The following CCDC12 variants were observed in gnomAD, a reference collection of about 807,000 sequenced individuals.
The protein encoded by CCDC12 is coiled-coil domain-containing protein 12.
In CCDC12, 28 loss-of-function variants were observed where a neutral mutation model predicts 25.7. That is an observed-to-expected ratio of 1.09 (90% CI 0.81 to 1.50). The LOEUF (loss-of-function observed/expected upper bound fraction) is 1.50, where lower values mean the gene tolerates loss of function less well. Among genes scored for constraint, CCDC12 ranks in the 40% most tolerant of loss-of-function variants. The pLI, the probability that CCDC12 is intolerant of heterozygous loss-of-function variation, is 0.00. For synonymous variants in CCDC12, 75 were observed against 87.7 expected (o/e 0.86, Z 0.81); for missense variants, 198 against 210.0 (o/e 0.94, Z 0.35).
At position 46,976,742 on chromosome 3, in the gene CCDC12, G is replaced by T. The variant is rs780151293; in HGVS notation, c.-10C>A. 1 of 1,600,350 alleles carries T rather than the reference G, an allele frequency of 6.2e-7. No homozygotes were observed. The highest frequency in any genetic ancestry group is 8.5e-7 in the Non-Finnish European group (1 of 1,173,768). On this transcript the variant is annotated 5_prime_UTR_variant, in exon 1 of 7. Coordinates refer to ENST00000683445, the MANE Select transcript of CCDC12 (RefSeq NM_001277074.2). ...CCGTAGTTGCCTCCATCTTGCCCGC[G>T]TACGCCCCTCCTTTTCTCCCGTCTT...
At chr3:46,925,713 G>A (rs758103301) in intron 2 of CCDC12, among the ~76,000 whole-genome samples, 178 bp from the exon 3 acceptor site, 6 of 152,212 alleles carry the variant, frequency 3.9e-5, no homozygotes, top group Admixed American at 6.5e-5. Context: ...CCTTGGCACC[G>A]TCCCCTGCCA....
At chr3:46,930,891 C>T (rs549395047) in intron 2 of CCDC12, among the ~76,000 whole-genome samples, 1 of 152,260 alleles carries the variant, frequency 6.6e-6, no homozygotes, top group African/African-American at 2.4e-5. Flanking sequence ...ACTCCATGCA[C>T]GTGGCCCTGT....
intron 1 of CCDC12, among the ~76,000 whole-genome samples, chr3:46,948,944 TACTCAGA>T (rs2034011150): frequency 1.5e-3 from 2 of 1,310 alleles, no homozygotes; most frequent in African/African-American, 1.7e-3. Flanking sequence ...CTCCATGCTG[TACTCAGA>T]TACTCCATGC....
chr3:46,951,825 T>A (rs7619810), intron 1 of CCDC12, among the ~76,000 whole-genome samples: 459 of 30,026 alleles, frequency 0.015, 136 homozygotes, highest in East Asian at 0.078. Flanking sequence ...ATATATATAC[T>A]TAATGAGGAT....
upstream of CCDC12, chr3:46,976,804 C>T (rs1019003153): frequency 1.9e-6 from 3 of 1,547,524 alleles, no homozygotes; most frequent in South Asian, 1.2e-5. Context: ...ATAAATGTCT[C>T]GCGGCCAATC....
chr3:46,957,414 A>G (rs1179986579), intron 1 of CCDC12, among the ~76,000 whole-genome samples: 1 of 149,606 alleles, frequency 6.7e-6, no homozygotes, highest in Non-Finnish European at 1.5e-5. Flanking sequence ...CTTTTTAATT[A>G]TTTTTTTTTT....
At chr3:46,950,025 CAAAAA>C (rs11298672) in intron 1 of CCDC12, among the ~76,000 whole-genome samples, 1 of 108,534 alleles carries the variant, frequency 9.2e-6, no homozygotes. Context: ...GACTCCATCT[CAAAAA>C]AAAAAAAAAA....
chr3:46,964,642 A>C (rs908985243), intron 1 of CCDC12, among the ~76,000 whole-genome samples: 1 of 152,202 alleles, frequency 6.6e-6, no homozygotes, highest in Non-Finnish European at 1.5e-5. Flanking sequence ...CTGTTGATCT[A>C]TGACCTTACC....
chr3:46,924,410 A>G (rs1455027409), intron 3 of CCDC12, among the ~76,000 whole-genome samples: 3 of 152,214 alleles, frequency 2.0e-5, no homozygotes, highest in Non-Finnish European at 4.4e-5. Context: ...CCCAAACTAC[A>G]AAGCAAATCA....
intron 1 of CCDC12, among the ~76,000 whole-genome samples, chr3:46,964,676 G>A (rs7651590): frequency 0.95 from 143,877 of 152,184 alleles, 68,577 homozygotes; most frequent in East Asian, 1. Context: ...TCTCTGAAAC[G>A]TGTGCTGTGT....
intron 1 of CCDC12, among the ~76,000 whole-genome samples, chr3:46,975,446 G>A (rs1018043823): frequency 1.3e-5 from 2 of 151,318 alleles, no homozygotes; most frequent in Admixed American, 6.6e-5. Context: ...CCCAAAGTGC[G>A]GGATTACAGG....
chr3:46,932,971 C>T (rs185067789), intron 2 of CCDC12, among the ~76,000 whole-genome samples: 1 of 152,360 alleles, frequency 6.6e-6, no homozygotes, highest in African/African-American at 2.4e-5. Context: ...CCACACCCTG[C>T]TCTCTGGCCT....
chr3:46,945,883 C>T (rs2033883389), intron 1 of CCDC12, among the ~76,000 whole-genome samples: 1 of 152,166 alleles, frequency 6.6e-6, no homozygotes, highest in African/African-American at 2.4e-5. Context: ...CTTTATCAGA[C>T]CAGCTAGAGG....
intron 1 of CCDC12, among the ~76,000 whole-genome samples, chr3:46,946,975 C>T (rs2107152091): frequency 6.6e-6 from 1 of 152,304 alleles, no homozygotes; most frequent in African/African-American, 2.4e-5. Flanking sequence ...GAGAGACATT[C>T]AACTTCTCAT....
At chr3:46,941,123 G>A (rs923052295) in intron 1 of CCDC12, 58 bp from the exon 2 acceptor site, 424 of 1,547,122 alleles carry the variant, frequency 2.7e-4, no homozygotes, top group Non-Finnish European at 3.4e-4. Context: ...TCCAGTCCAC[G>A]TGGCCCAGGG....
chr3:46,952,207 G>C (rs1170125230), intron 1 of CCDC12, among the ~76,000 whole-genome samples: 1 of 152,048 alleles, frequency 6.6e-6, no homozygotes, highest in East Asian at 1.9e-4. Flanking sequence ...AATAGTAAAG[G>C]AACCACCTGG....
intron 2 of CCDC12, among the ~76,000 whole-genome samples, chr3:46,938,256 G>A (rs908835084): frequency 6.6e-6 from 1 of 152,220 alleles, no homozygotes; most frequent in East Asian, 1.9e-4. Context: ...GGGCCTCAGA[G>A]CAGGTCTTGT....
At chr3:46,931,395 G>C (rs1381145294) in intron 2 of CCDC12, among the ~76,000 whole-genome samples, 3 of 152,174 alleles carry the variant, frequency 2.0e-5, no homozygotes, top group Non-Finnish European at 4.4e-5. Context: ...TAGAGTTCTA[G>C]AATGGCGAAA....
At chr3:46,942,432 G>A (rs899008188) in intron 1 of CCDC12, among the ~76,000 whole-genome samples, 10 of 152,268 alleles carry the variant, frequency 6.6e-5, no homozygotes, top group African/African-American at 2.2e-4. Context: ...TCCATTGGGA[G>A]CCTGCTCTGG....
Sources: gnomAD v4.1 joint callset for allele counts (sites outside exome capture counted in the v4.1 genomes callset) on GRCh38, gnomAD v4.1.1 for gene constraint, MANE v1.5 for transcripts, NCBI Gene and HGNC (gene_info 2026-07-23, HGNC 2026-07-21) for gene names.